ANO10: variants seen among roughly 807,000 people sequenced by gnomAD.
ANO10 encodes anoctamin-10.
In ANO10, 77 loss-of-function variants were observed where a neutral mutation model predicts 74.7. The observed-to-expected ratio is 1.03, with a 90% CI of 0.86 to 1.25. ANO10 has a LOEUF of 1.25. Ranked by LOEUF, ANO10 falls within the 50% of genes most tolerant of loss-of-function variation. ANO10 has a pLI of 0.00. For missense variants in ANO10, 721 were observed against 778.1 expected, an observed-to-expected ratio of 0.93 and a Z score of 0.87; for synonymous variants, 279 against 284.9, an observed-to-expected ratio of 0.98 and a Z score of 0.21.
intron 11 of ANO10, among the ~76,000 whole-genome samples, chr3:43,480,232 TG>T (rs1469698703): frequency 1.3e-5 from 2 of 152,024 alleles, no homozygotes; most frequent in African/African-American, 4.8e-5. Flanking sequence ...ATACAACAAA[TG>T]GTAAGTCCAG....
intron 11 of ANO10, among the ~76,000 whole-genome samples, chr3:43,439,310 G>A (rs988933192): frequency 1.5e-4 from 23 of 151,192 alleles, no homozygotes; most frequent in Admixed American, 1.3e-3. Context: ...ATGTAGGAGA[G>A]AAATAAAGAC....
chr3:43,622,676 T>G (rs2083445674), upstream of ANO10, among the ~76,000 whole-genome samples: 1 of 152,144 alleles, frequency 6.6e-6, no homozygotes. Context: ...CCATTCCTTC[T>G]GCCCAGAAAG....
intron 11 of ANO10, among the ~76,000 whole-genome samples, chr3:43,454,472 GCC>G (rs1240568314): frequency 6.6e-6 from 1 of 152,062 alleles, no homozygotes; most frequent in Non-Finnish European, 1.5e-5. Context: ...AGACTGTCTG[GCC>G]ATCAGAGAGA....
intron 1 of ANO10, among the ~76,000 whole-genome samples, chr3:43,683,542 C>A (rs942639279): frequency 6.6e-6 from 1 of 152,150 alleles, no homozygotes; most frequent in Admixed American, 6.5e-5. Context: ...CCCCATCAAG[C>A]TACCAATGAC....
chr3:43,617,140 A>G (rs1383380142), intron 1 of ANO10, among the ~76,000 whole-genome samples: 2 of 148,478 alleles, frequency 1.3e-5, no homozygotes, highest in Non-Finnish European at 3.0e-5. Flanking sequence ...TCTTAATGGG[A>G]ACTTGCTCTA....
chr3:43,621,251 T>C (rs887938699), intron 1 of ANO10, among the ~76,000 whole-genome samples: 1 of 152,188 alleles, frequency 6.6e-6, no homozygotes, highest in African/African-American at 2.4e-5. Context: ...ACGCTGCCTA[T>C]AGGGGAGAAC....
intron 1 of ANO10, among the ~76,000 whole-genome samples, chr3:43,628,477 G>T (rs1394220528): frequency 6.6e-6 from 1 of 152,130 alleles, no homozygotes; most frequent in African/African-American, 2.4e-5. Context: ...AAATTGTAGA[G>T]CATATGTGTT....
At chr3:43,682,236 G>C (rs2084211714) in intron 1 of ANO10, among the ~76,000 whole-genome samples, 1 of 152,144 alleles carries the variant, frequency 6.6e-6, no homozygotes. Flanking sequence ...CACAAAAAAT[G>C]ATAAAGGGGA....
At chr3:43,554,093 C>G (rs1036763367) in intron 10 of ANO10, among the ~76,000 whole-genome samples, 1 of 151,756 alleles carries the variant, frequency 6.6e-6, no homozygotes, top group Non-Finnish European at 1.5e-5. Flanking sequence ...TCCAATATTT[C>G]TAACCTGTGT....
intron 1 of ANO10, among the ~76,000 whole-genome samples, chr3:43,633,225 A>G (rs1032966242): frequency 3.3e-5 from 5 of 152,212 alleles, no homozygotes; most frequent in African/African-American, 1.2e-4. Flanking sequence ...AAAAACCACA[A>G]TAACTTTTGC....
At chr3:43,505,862 A>G (rs1342880612) in intron 11 of ANO10, among the ~76,000 whole-genome samples, 1 of 152,206 alleles carries the variant, frequency 6.6e-6, no homozygotes, top group African/African-American at 2.4e-5. Flanking sequence ...ATAGGGCTAA[A>G]AGATACTTGT....
At chr3:43,619,056 G>A (rs1006630351) in intron 1 of ANO10, among the ~76,000 whole-genome samples, 26 of 152,158 alleles carry the variant, frequency 1.7e-4, no homozygotes, top group African/African-American at 4.8e-4. Context: ...CGCCTGCCTC[G>A]GCCTCCCAAA....
At position 43,676,278 on chromosome 3, in the gene ANO10, G is replaced by A. The variant is rs560404260; in HGVS notation, c.-12+15239C>T. ...GTTTGACACCAGCCTGGACAACAAA[G>A]TGAGACCCTGTATGTACAAAAAAAA... On this transcript the variant is annotated intron_variant, in intron 1 of 3. Transcript: ENST00000413397. Among the ~76,000 whole-genome samples, 8 of 151,274 alleles carry A rather than the reference G, an allele frequency of 5.3e-5. No individual in the cohort carries two copies. In the South Asian group the frequency reaches 1.7e-3, roughly 32 times the overall value.
chr3:43,580,202 C>T, intron 5 of ANO10, 151 bp downstream of exon 5: 1 of 1,040,392 alleles, frequency 9.6e-7, no homozygotes, highest in South Asian at 1.3e-5. Flanking sequence ...CTATCTTATT[C>T]CCTCCATCAA....
At chr3:43,424,711 CTGAA>C (rs1559531097) in intron 12 of ANO10, 1 of 152,182 alleles carries the variant, frequency 6.6e-6, no homozygotes, top group Non-Finnish European at 1.5e-5. Flanking sequence ...AAACTCTAGT[CTGAA>C]TTTTTGGGGA....
At chr3:43,543,582 G>A (rs1184572740) in intron 11 of ANO10, among the ~76,000 whole-genome samples, 3 of 152,096 alleles carry the variant, frequency 2.0e-5, no homozygotes, top group Non-Finnish European at 4.4e-5. Flanking sequence ...TAGAGACGGG[G>A]TTTCACCGTG....
At chr3:43,549,639 G>C in intron 11 of ANO10, 81 bp downstream of exon 11, 1 of 1,509,990 alleles carries the variant, frequency 6.6e-7, no homozygotes, top group Non-Finnish European at 9.2e-7. Flanking sequence ...TGTCAGTCAT[G>C]GACAGCCCGA....
chr3:43,376,184 G>A (rs1024737328), intron 12 of ANO10, among the ~76,000 whole-genome samples: 5 of 152,184 alleles, frequency 3.3e-5, no homozygotes, highest in Non-Finnish European at 7.3e-5. Context: ...AAAGGGAGCA[G>A]AAACATTAAT....
At chr3:43,396,391 T>C (rs1029753657) in intron 12 of ANO10, among the ~76,000 whole-genome samples, 8 of 152,094 alleles carry the variant, frequency 5.3e-5, no homozygotes, top group Non-Finnish European at 7.4e-5. Context: ...CAGGCTGGAG[T>C]GCAGTGGCGC....
Sources: gnomAD v4.1 joint callset for allele counts (sites outside exome capture counted in the v4.1 genomes callset) on GRCh38, gnomAD v4.1.1 for gene constraint, MANE v1.5 for transcripts, NCBI Gene and HGNC (gene_info 2026-07-23, HGNC 2026-07-21) for gene names.